SLC13A1: variants seen among roughly 807,000 people sequenced by gnomAD.
SLC13A1 encodes solute carrier family 13 member 1, also known as Na(+)/sulfate cotransporter.
A neutral mutation model predicts 70.0 loss-of-function variants in SLC13A1; 65 were observed. The observed-to-expected ratio is 0.93, with a 90% CI of 0.76 to 1.14. The LOEUF (loss-of-function observed/expected upper bound fraction) is 1.14. SLC13A1 is among the 50% of genes most tolerant of loss of function. The pLI is 0.00. For synonymous variants in SLC13A1, 275 were observed against 250.5 expected, an observed-to-expected ratio of 1.10 and a Z score of -0.92; for missense variants, 726 against 717.8, an observed-to-expected ratio of 1.01 and a Z score of -0.13.
At chr7:123,124,647 G>A (rs1008734504) in intron 11 of SLC13A1, among the ~76,000 whole-genome samples, 1 of 152,050 alleles carries the variant, frequency 6.6e-6, no homozygotes, top group Non-Finnish European at 1.5e-5. Context: ...GTGTTGTAAA[G>A]CAAAGATATG....
At chr7:123,170,111 A>G (rs917399592) in intron 3 of SLC13A1, among the ~76,000 whole-genome samples, 1 of 152,152 alleles carries the variant, frequency 6.6e-6, no homozygotes, top group Non-Finnish European at 1.5e-5. Flanking sequence ...TTGGGGAAAA[A>G]AATGATCTCT....
chr7:123,131,091 C>T (rs1196175561), intron 8 of SLC13A1, among the ~76,000 whole-genome samples: 1 of 152,086 alleles, frequency 6.6e-6, no homozygotes, highest in Admixed American at 6.6e-5. Flanking sequence ...CATTTTCTTT[C>T]GTAAAGTATC....
intron 1 of SLC13A1, among the ~76,000 whole-genome samples, chr7:123,182,613 G>T (rs776792756): frequency 8.6e-5 from 13 of 151,920 alleles, no homozygotes; most frequent in Non-Finnish European, 1.9e-4. Context: ...AATCTATGAG[G>T]GTCTGCTAAA....
At chr7:123,183,436 A>G (rs1287085136) in intron 1 of SLC13A1, among the ~76,000 whole-genome samples, 1 of 152,158 alleles carries the variant, frequency 6.6e-6, no homozygotes, top group Non-Finnish European at 1.5e-5. Flanking sequence ...TCTATACAGT[A>G]CTACTACATT....
At chr7:123,165,770 GA>G (rs781151170) in intron 6 of SLC13A1, among the ~76,000 whole-genome samples, 22 of 149,982 alleles carry the variant, frequency 1.5e-4, no homozygotes, top group Non-Finnish European at 2.2e-4. Flanking sequence ...GAGGTTTCCT[GA>G]AAAAAAAACA....
At chr7:123,159,460 G>T (rs1794814393) in intron 6 of SLC13A1, among the ~76,000 whole-genome samples, 1 of 152,204 alleles carries the variant, frequency 6.6e-6, no homozygotes, top group Admixed American at 6.6e-5. Flanking sequence ...GTACAAGCCA[G>T]AAAGAGAGGT....
At chr7:123,171,944 G>A (rs779688583) in intron 2 of SLC13A1, 40 bp from the exon 3 acceptor site, 24 of 1,591,262 alleles carry the variant, frequency 1.5e-5, no homozygotes, top group Non-Finnish European at 1.9e-5. Flanking sequence ...TACTTTGGTG[G>A]GGAAAAATAA....
chr7:123,170,310 T>C (rs1322037539), intron 3 of SLC13A1, among the ~76,000 whole-genome samples: 1 of 152,216 alleles, frequency 6.6e-6, no homozygotes, highest in Non-Finnish European at 1.5e-5. Context: ...AGGAATCTGC[T>C]TACGCAATAA....
chr7:123,186,594 T>C, intron 1 of SLC13A1: 1 of 364,442 alleles, frequency 2.7e-6, no homozygotes, highest in Non-Finnish European at 5.6e-6. Context: ...ACACAATCAC[T>C]ACTACTACTA....
chr7:123,157,293 A>C (rs1355279784), intron 6 of SLC13A1, among the ~76,000 whole-genome samples: 1 of 152,092 alleles, frequency 6.6e-6, no homozygotes, highest in Non-Finnish European at 1.5e-5. Flanking sequence ...AGTTATCGGT[A>C]AGACTCTGAA....
chr7:123,125,666 A>T lies in SLC13A1; in HGVS notation c.1143T>A (p.Gly381=), dbSNP rs550511859. The part of the protein sequence containing the change: ...GWSALFSEYP[G]FATDSTVALL... ...AAGCAACAGTTGAATCTGTAGCAAA[A>T]CCAGGGTACCTGTAAAAGGGACAAA... Residue 381 remains glycine, a synonymous_variant, in exon 11 of 15, where the codon GGT becomes GGA. Coordinates refer to ENST00000194130, the MANE Select transcript of SLC13A1 (RefSeq NM_022444.4). 1 of 1,610,562 alleles carries T rather than the reference A, an allele frequency of 6.2e-7. No individual in the cohort carries two copies. Among genetic ancestry groups the T allele is most frequent in the African/African-American group, 1.3e-5 (1 of 74,862 alleles).
intron 8 of SLC13A1, among the ~76,000 whole-genome samples, chr7:123,132,745 A>C (rs954338263): frequency 6.6e-6 from 1 of 152,208 alleles, no homozygotes; most frequent in Non-Finnish European, 1.5e-5. Context: ...AAAACCCCAC[A>C]AAAATAAATT....
intron 6 of SLC13A1, among the ~76,000 whole-genome samples, chr7:123,160,050 G>A (rs1448996279): frequency 6.6e-6 from 1 of 151,920 alleles, no homozygotes; most frequent in African/African-American, 2.4e-5. Flanking sequence ...TTGGGAGGCC[G>A]AGGTGGGCGA....
At chr7:123,132,570 C>T (rs1793803083) in intron 8 of SLC13A1, among the ~76,000 whole-genome samples, 1 of 152,132 alleles carries the variant, frequency 6.6e-6, no homozygotes, top group Admixed American at 6.6e-5. Context: ...AGGGGTTTCA[C>T]AATGTTGGCC....
rs1294714071 is a variant in SLC13A1 at position 123,169,171 on chromosome 7, G to C, written c.530C>G (p.Thr177Ser). Residue 177 changes from threonine to serine, a missense_variant, in exon 4 of 15, where the codon ACC becomes AGC. By Grantham distance (58) the Thr-to-Ser change is moderately conservative. Transcript: ENST00000194130. ...ACCATCAATTTCTAGTCCGTGGTTG[G>C]TTGATCCGTTGAAGTAAGTCATCTG... ...ATQMTYFNGS[T>S]NHGLEIDESV... 6.2e-7 allele frequency: 1 copy of C among 1,614,008 alleles called. No individual in the cohort carries two copies. The highest frequency in any genetic ancestry group is 8.5e-7 in the Non-Finnish European group (1 of 1,179,948).
At chr7:123,168,309 G>A (rs1213932296) in intron 6 of SLC13A1, 65 bp downstream of exon 6, 19 of 1,067,372 alleles carry the variant, frequency 1.8e-5, no homozygotes, top group Non-Finnish European at 2.5e-5. Flanking sequence ...AAATGCATAT[G>A]TATCTAACTA....
intron 1 of SLC13A1, among the ~76,000 whole-genome samples, chr7:123,189,413 G>A (rs888592017): frequency 2.0e-5 from 3 of 152,042 alleles, no homozygotes; most frequent in Admixed American, 6.6e-5. Context: ...CTAAAAATAA[G>A]TTCTTACAGA....
At chr7:123,155,456 A>G (rs1213217547) in intron 6 of SLC13A1, among the ~76,000 whole-genome samples, 1 of 151,862 alleles carries the variant, frequency 6.6e-6, no homozygotes, top group African/African-American at 2.4e-5. Flanking sequence ...TGCCTCTCTG[A>G]TTATATTAAT....
At chr7:123,141,689 G>A (rs1029550548) in intron 7 of SLC13A1, among the ~76,000 whole-genome samples, 6 of 151,876 alleles carry the variant, frequency 4.0e-5, no homozygotes, top group Non-Finnish European at 8.8e-5. Context: ...GACCTTCTTT[G>A]TCTCTTCTTA....
Sources: gnomAD v4.1 joint callset for allele counts (sites outside exome capture counted in the v4.1 genomes callset) on GRCh38, gnomAD v4.1.1 for gene constraint, MANE v1.5 for transcripts, NCBI Gene and HGNC (gene_info 2026-07-23, HGNC 2026-07-21) for gene names.